MYRF: variants seen among roughly 807,000 people sequenced by gnomAD.
MYRF encodes the protein myelin regulatory factor, also known as myelin gene regulatory factor.
In MYRF, 16 loss-of-function variants were observed where a neutral mutation model predicts 126.3. The observed-to-expected ratio is 0.13, with a 90% CI of 0.09 to 0.19. MYRF has a LOEUF of 0.19. MYRF is among the 10% of genes least tolerant of loss of function. The pLI, the probability that MYRF is intolerant of heterozygous loss-of-function variation, is 1.00. For synonymous variants in MYRF, 608 were observed against 635.3 expected (o/e 0.96, Z 0.65); for missense variants, 1,104 against 1,547.0 (o/e 0.71, Z 4.80).
chr11:61,766,320 A>G, intron 3 of MYRF, 99 bp downstream of exon 3: 1 of 1,334,534 alleles, frequency 7.5e-7, no homozygotes, highest in Non-Finnish European at 1.0e-6. Flanking sequence ...CTGGCCTGGC[A>G]TGGGATGGGC....
Position 61,780,231 on chromosome 11 carries a change from C to G in MYRF, c.2346C>G (p.Ser782=), listed in dbSNP as rs759608240. The change falls in exon 18 of 27, where the codon TCC becomes TCG. Residue 782 remains serine, a synonymous_variant. Transcript: ENST00000278836. ...TTTTCTGTGGCTCCAGCGTGGTGTC[C>G]ATGTCCACACTGTACGTGCTGAGCC... ...LVVVMAFSVV[S]MSTLYVLSLR... The G allele has an allele frequency of 2.5e-6, 4 of 1,614,052 alleles. No homozygotes were observed. In the South Asian group the frequency reaches 4.4e-5, roughly 18 times the overall value.
chr11:61,779,751 C>T, intron 16 of MYRF, 91 bp from the exon 17 acceptor site: 1 of 1,334,692 alleles, frequency 7.5e-7, no homozygotes, highest in Non-Finnish European at 1.0e-6. Flanking sequence ...GGGGCACCCC[C>T]TTAACCGCTC....
rs2066391179 is a variant in MYRF at position 61,776,618 on chromosome 11, A to G, written c.1500-169A>G. Among the ~76,000 whole-genome samples, 1 of 151,934 alleles carries G rather than the reference A, an allele frequency of 6.6e-6. No homozygotes were observed. Among genetic ancestry groups the G allele is most frequent in the African/African-American group, 2.4e-5 (1 of 41,334 alleles). ...AGAAGCCTGGCTTCTGGGTTGAGAA[A>G]CAGCCCTGGCTTCTTGCTGTGGGCC... On this transcript the variant is annotated intron_variant, in intron 10 of 26. Coordinates refer to ENST00000278836, the MANE Select transcript of MYRF (RefSeq NM_001127392.3). This position sits in a 1 kb window ranked among gnomAD's most constrained non-coding sequence, Gnocchi z 4.3.
In MYRF at chr11:61,781,010, C is replaced by G; in HGVS notation, c.2537C>G (p.Thr846Arg). ...TTQLRQSPLT[T>R]GLPGIQPSLL... Reference sequence around the variant, plus strand: ...CAGCTCCGACAGTCCCCCTTGACCACGGGGCTACCAGGCATACAGCCCTCT... The same window carrying G: ...CAGCTCCGACAGTCCCCCTTGACCAGGGGGCTACCAGGCATACAGCCCTCT... Residue 846 changes from threonine to arginine, a missense_variant, in exon 20 of 27, where the codon ACG (threonine) becomes AGG (arginine). Around this residue, in one of 10 missense-constraint regions of MYRF, gnomAD observed 323 missense variants for 383.1 expected, o/e 0.84. Transcript: ENST00000278836. The G allele has an allele frequency of 1.2e-6, 2 of 1,610,092 alleles. No individual in the cohort carries two copies. The highest frequency in any genetic ancestry group is 1.7e-6 in the Non-Finnish European group (2 of 1,180,006).
chr11:61,763,602 G>A (rs770926804), intron 1 of MYRF, among the ~76,000 whole-genome samples: 7 of 152,200 alleles, frequency 4.6e-5, no homozygotes, highest in Non-Finnish European at 7.3e-5. Context: ...GGTGGCTCAC[G>A]CCTGTAATCC....
chr11:61,780,620 G>C (rs1187470002), intron 18 of MYRF, 92 bp from the exon 19 acceptor site: 1 of 1,296,482 alleles, frequency 7.7e-7, no homozygotes, highest in Non-Finnish European at 1.1e-6. Flanking sequence ...TGAGCCCACT[G>C]TCACCCCCAG....
In MYRF at chr11:61,783,215, G is replaced by A. The variant is rs1591132066; in HGVS notation, c.3017-283G>A. 3.2e-6 allele frequency: 1 copy of A among 308,950 alleles called. No homozygotes were observed. The highest frequency in any genetic ancestry group is 6.3e-5 in the East Asian group (1 of 15,756). The allele number at this position is 308,950 out of a possible 1,614,324, so 19.1% of individuals were successfully genotyped here. A position where few individuals can be genotyped will look rare whatever the true frequency, so the allele number is the denominator to read the frequency against. ...GCCCGCAGTCAGGAACACAGGCCTC[G>A]AGCGGGCTCCTGCACACCTGGCAGG... On this transcript the variant is annotated intron_variant, in intron 22 of 26. Transcript: ENST00000278836. This position sits in a 1 kb window ranked among gnomAD's most constrained non-coding sequence, Gnocchi z 4.6.
At chr11:61,766,695 G>A in intron 3 of MYRF, 1 of 263,338 alleles carries the variant, frequency 3.8e-6, no homozygotes, top group South Asian at 4.3e-5. Context: ...CCAGAACCCA[G>A]GCCCTTCCCC....
intron 7 of MYRF, 48 bp downstream of exon 7, chr11:61,772,000 G>C: frequency 6.2e-7 from 1 of 1,607,564 alleles, no homozygotes; most frequent in East Asian, 2.2e-5. Flanking sequence ...CCCCACCTTG[G>C]GACGCCCCAG....
Position 61,783,430 on chromosome 11 carries a change from C to T in MYRF, c.3017-68C>T. The T allele has an allele frequency of 3.1e-6, 4 of 1,276,146 alleles. No homozygotes were observed. The highest frequency in any genetic ancestry group is 4.5e-6 in the Non-Finnish European group (4 of 884,518). The allele number at this position is 1,276,146 out of a possible 1,614,324, so 79.1% of individuals were successfully genotyped here. ...TAAGGTGTGAGTGACTGCTTCAAGT[C>T]TGGCAAGGAAAGACTTGCCAGCTTC... On this transcript the variant is annotated intron_variant, in intron 22 of 26. Coordinates refer to ENST00000278836, the MANE Select transcript of MYRF (RefSeq NM_001127392.3). This position sits in a 1 kb window ranked among gnomAD's most constrained non-coding sequence, Gnocchi z 4.6.
Position 61,783,716 on chromosome 11 carries a change from A to G in MYRF, c.3119+116A>G, listed in dbSNP as rs927732175. On this transcript the variant is annotated intron_variant, in intron 23 of 26. Coordinates refer to ENST00000278836, the MANE Select transcript of MYRF (RefSeq NM_001127392.3). This position sits in a 1 kb window ranked among gnomAD's most constrained non-coding sequence, Gnocchi z 4.6. ...AGGAGCCTCCCCCATAAGGAAGGGTAGCCCCTTTCCAGGCTACCCTTGGAC... is the reference window on the plus strand; with the variant it reads ...AGGAGCCTCCCCCATAAGGAAGGGTGGCCCCTTTCCAGGCTACCCTTGGAC... The G allele has an allele frequency of 7.4e-7, 1 of 1,346,218 alleles. No individual in the cohort carries two copies. The highest frequency in any genetic ancestry group is 1.4e-5 in the African/African-American group (1 of 69,390). 83.4% of individuals were successfully genotyped at this position (1,346,218 alleles called of 1,614,324 possible).
rs146361526 is a variant in MYRF, at chr11:61,781,020, A to G, written c.2547A>G (p.Pro849=). 1.5e-4 allele frequency: 238 copies of G among 1,609,870 alleles called. 1 individual carries two copies. In the Middle Eastern group the frequency reaches 1.5e-3, roughly 10 times the overall value. ...LRQSPLTTGL[P]GIQPSLLLVT... ...AGTCCCCCTTGACCACGGGGCTACC[A>G]GGCATACAGCCCTCTTTGCTGCTGG... Residue 849 remains proline (P), a synonymous_variant, in exon 20 of 27, where the codon CCA becomes CCG. Coordinates refer to ENST00000278836, the MANE Select transcript of MYRF (RefSeq NM_001127392.3).
intron 8 of MYRF, among the ~76,000 whole-genome samples, chr11:61,774,684 G>C (rs1453004679): frequency 1.3e-5 from 2 of 148,434 alleles, no homozygotes; most frequent in Non-Finnish European, 3.0e-5. Context: ...CCTCCCTCTT[G>C]TTGGGCTCAT....
At chr11:61,755,515 G>C in intron 1 of MYRF, 1 of 1,560,952 alleles carries the variant, frequency 6.4e-7, no homozygotes, top group Non-Finnish European at 8.8e-7. Context: ...CAGTGTCTGA[G>C]AATCCTGCCA....
In MYRF at chr11:61,783,012, C is replaced by CCCAG. The variant is rs1428234817; in HGVS notation, c.3017-475_3017-472dup. 6.5e-6 allele frequency: 1 copy of CCCAG among 154,668 alleles called. No homozygotes were observed. Among genetic ancestry groups the CCCAG allele is most frequent in the Non-Finnish European group, 1.4e-5 (1 of 69,506 alleles). The allele number at this position is 154,668 out of a possible 1,614,324, so 9.6% of individuals were successfully genotyped here. ...TTGTCACACTTCAGTCCCACCCCTA[C>CCCAG]CCAGCCAGCCAGCCTGCAGTCGGTT... On this transcript the variant is annotated intron_variant, in intron 22 of 26. Transcript: ENST00000278836. The surrounding 1 kb of genome is among the most constrained non-coding windows in gnomAD (Gnocchi z 4.6).
Position 61,776,349 on chromosome 11 carries a change from G to A in MYRF, c.1416G>A (p.Thr472=), listed in dbSNP as rs371686409. The change falls in exon 10 of 27, where the codon ACG becomes ACA. Residue 472 remains threonine (T), a synonymous_variant. Coordinates refer to ENST00000278836, the MANE Select transcript of MYRF (RefSeq NM_001127392.3). This position sits in a 1 kb window ranked among gnomAD's most constrained non-coding sequence, Gnocchi z 4.3. ...TCAATCTGCCCCCTGAGCAGGTCAC[G>A]AAGGTGACTGTGGGGCGGCTGCACT... The part of the protein sequence containing the change: ...VTVNLPPEQV[T]KVTVGRLHFS... The A allele has an allele frequency of 1.3e-5, 21 of 1,613,176 alleles. 1 individual carries two copies. Among genetic ancestry groups the A allele is most frequent in the African/African-American group, 4.0e-5 (3 of 74,910 alleles).
rs1009058099 is a variant in MYRF at position 61,786,437 on chromosome 11, G to A, written c.*294G>A. Reference sequence around the variant, plus strand: ...CTCTTTCCAGATATGGTGGTTGGAGGGCTGGTTCAGGTGCCCTGGAGGGAA... The same window carrying A: ...CTCTTTCCAGATATGGTGGTTGGAGAGCTGGTTCAGGTGCCCTGGAGGGAA... On this transcript the variant is annotated 3_prime_UTR_variant, in exon 27 of 27. Coordinates refer to ENST00000278836, the MANE Select transcript of MYRF (RefSeq NM_001127392.3). The surrounding 1 kb of genome is among the most constrained non-coding windows in gnomAD (Gnocchi z 4.5). 3 of 446,982 alleles carry A rather than the reference G, an allele frequency of 6.7e-6. No individual in the cohort carries two copies. Among genetic ancestry groups the A allele is most frequent in the African/African-American group, 5.9e-5 (3 of 50,868 alleles). The allele number at this position is 446,982 out of a possible 1,614,324, so 27.7% of individuals were successfully genotyped here. A position where few individuals can be genotyped will look rare whatever the true frequency, so the allele number is the denominator to read the frequency against.
intron 8 of MYRF, among the ~76,000 whole-genome samples, chr11:61,774,734 C>T (rs546895056): frequency 6.6e-6 from 1 of 150,618 alleles, no homozygotes; most frequent in East Asian, 2.0e-4. Context: ...TGTGCCTGCC[C>T]CTTAAACGTT....
At chr11:61,784,501 TC>T in intron 25 of MYRF, 116 bp downstream of exon 25, 2 of 805,338 alleles carry the variant, frequency 2.5e-6, no homozygotes, top group South Asian at 1.7e-5. Flanking sequence ...TAAAGCCTTC[TC>T]CACAAGGGAC....
Sources: gnomAD v4.1 joint callset for allele counts (sites outside exome capture counted in the v4.1 genomes callset) on GRCh38, gnomAD v4.1.1 for gene constraint, gnomAD v4.1.1 regional missense constraint, Gnocchi (gnomAD v3.1) non-coding constraint, MANE v1.5 for transcripts, NCBI Gene and HGNC (gene_info 2026-07-23, HGNC 2026-07-21) for gene names.